The following COX10 variants were observed in gnomAD, a reference collection of about 807,000 sequenced individuals.
COX10 encodes the protein protoheme IX farnesyltransferase, mitochondrial.
In COX10, 27 loss-of-function variants were observed where a neutral mutation model predicts 37.3. The observed-to-expected ratio is 0.72, with a 90% confidence interval of 0.53 to 1.00. COX10 has a LOEUF of 1.00. COX10 is among the 50% of genes least tolerant of loss of function. COX10 has a pLI of 0.00. For synonymous variants in COX10, 222 were observed against 229.1 expected, an observed-to-expected ratio of 0.97 and a Z score of 0.28; for missense variants, 475 against 563.2, an observed-to-expected ratio of 0.84 and a Z score of 1.59.
At chr17:14,069,732 A>G in intron 1 of COX10, 84 bp downstream of exon 1, 1 of 1,564,788 alleles carries the variant, frequency 6.4e-7, no homozygotes, top group Non-Finnish European at 8.8e-7. Context: ...GCTGGCTGCA[A>G]CCTTGGGGAG....
At chr17:14,105,820 A>G (rs1001578189) in intron 4 of COX10, among the ~76,000 whole-genome samples, 24 of 152,210 alleles carry the variant, frequency 1.6e-4, no homozygotes, top group African/African-American at 5.8e-4. Context: ...TCCATTTGTT[A>G]ACATTTTGAT....
rs144642211 is a variant in COX10, at chr17:14,195,735, C to G, written c.928+3514C>G. Among the ~76,000 whole-genome samples, 23 of 152,254 alleles carry G rather than the reference C, an allele frequency of 1.5e-4. No homozygotes were observed. In the East Asian group the frequency reaches 4.2e-3, roughly 28 times the overall value. Reference sequence around the variant, plus strand: ...CTTACTAACACAAAGATTCCTGGGCCCTACCCCTGGAACTTCTGATTCAGT... The same window carrying G: ...CTTACTAACACAAAGATTCCTGGGCGCTACCCCTGGAACTTCTGATTCAGT... On this transcript the variant is annotated intron_variant, in intron 6 of 6. Coordinates refer to ENST00000261643, the MANE Select transcript of COX10 (RefSeq NM_001303.4).
chr17:14,123,718 TGCAGTGTTAG>T (rs766782210), intron 4 of COX10, among the ~76,000 whole-genome samples: 2 of 152,176 alleles, frequency 1.3e-5, no homozygotes, highest in Non-Finnish European at 2.9e-5. Context: ...TTCACTCTCC[TGCAGTGTTAG>T]GCAATGTGAG....
chr17:14,188,040 A>G (rs759527566), intron 5 of COX10, among the ~76,000 whole-genome samples: 1 of 152,070 alleles, frequency 6.6e-6, no homozygotes, highest in Non-Finnish European at 1.5e-5. Flanking sequence ...TCGTAACACT[A>G]ATGTCTCTGA....
chr17:14,120,604 T>C (rs1760923578), intron 4 of COX10, among the ~76,000 whole-genome samples: 1 of 152,082 alleles, frequency 6.6e-6, no homozygotes, highest in Non-Finnish European at 1.5e-5. Context: ...TGTTGGTCTG[T>C]TGGATGGGGA....
intron 5 of COX10, among the ~76,000 whole-genome samples, chr17:14,180,826 G>C (rs1207668501): frequency 1.3e-5 from 2 of 152,168 alleles, no homozygotes; most frequent in Admixed American, 1.3e-4. Context: ...ACAATTAAAT[G>C]CTGTTTTCAT....
chr17:14,206,539 G>T (rs1055014250), intron 6 of COX10, among the ~76,000 whole-genome samples: 1 of 152,076 alleles, frequency 6.6e-6, no homozygotes, highest in Middle Eastern at 3.2e-3. Context: ...TGTGAAGCAG[G>T]GTCTGAGCCA....
rs1906220989 is a variant in COX10 at position 14,192,127 on chromosome 17, A to G, written c.834A>G (p.Lys278=). The G allele has an allele frequency of 6.2e-7, 1 of 1,614,226 alleles. No individual in the cohort carries two copies. Among genetic ancestry groups the G allele is most frequent in the Non-Finnish European group, 8.5e-7 (1 of 1,180,044 alleles). ...ATACCTGCTGCTACACACCACTGAAAAGGATCAGCATTGCCAACACATGGG... is the reference window on the plus strand; with the variant it reads ...ATACCTGCTGCTACACACCACTGAAGAGGATCAGCATTGCCAACACATGGG... ...FLYTCCYTPL[K]RISIANTWVG... The change falls in exon 6 of 7, where the codon AAA becomes AAG. Residue 278 remains lysine (K), a synonymous_variant. Transcript: ENST00000261643.
At chr17:14,074,541 G>A in intron 2 of COX10, 85 bp downstream of exon 2, 1 of 1,306,530 alleles carries the variant, frequency 7.7e-7, no homozygotes, top group Non-Finnish European at 1.1e-6. Flanking sequence ...TTTAATTAAA[G>A]TTTTAAGAAA....
chr17:14,111,825 A>G (rs1412749865), intron 4 of COX10, among the ~76,000 whole-genome samples: 1 of 152,118 alleles, frequency 6.6e-6, no homozygotes, highest in Non-Finnish European at 1.5e-5. Flanking sequence ...CTAGCTGAAG[A>G]TATGTGGATA....
intron 4 of COX10, among the ~76,000 whole-genome samples, chr17:14,103,154 C>T (rs1029057850): frequency 5.3e-5 from 8 of 151,960 alleles, no homozygotes; most frequent in African/African-American, 2.4e-5. Flanking sequence ...TAGTGAGGTT[C>T]AAATAGTGCT....
chr17:14,122,993 G>A (rs1394314159), intron 4 of COX10, among the ~76,000 whole-genome samples: 1 of 152,148 alleles, frequency 6.6e-6, no homozygotes, highest in East Asian at 1.9e-4. Context: ...GCACCAAAGC[G>A]GATGTGTCAG....
At chr17:14,075,417 C>T (rs11657019) in intron 2 of COX10, among the ~76,000 whole-genome samples, 61,482 of 151,904 alleles carry the variant, frequency 0.4, 12,516 homozygotes, top group East Asian at 0.49. Flanking sequence ...GCATAGGTGG[C>T]TCCACTCCCA....
At position 14,100,461 on chromosome 17, in the gene COX10, AC is replaced by A. The variant is rs1374260775; in HGVS notation, c.500-1656del. 2.6e-5 allele frequency among the ~76,000 whole-genome samples: 4 copies of A among 152,294 alleles called. No individual in the cohort carries two copies. The East Asian group carries it at 5.8e-4, about 22-fold the overall frequency. ...AGCGAGGGAGTAACTGGGGAGACTTACGTTAGATGAGGTCATCAGGAAGGTT... is the reference window on the plus strand; with the variant it reads ...AGCGAGGGAGTAACTGGGGAGACTTAGTTAGATGAGGTCATCAGGAAGGTT... On this transcript the variant is annotated intron_variant, in intron 3 of 6. Transcript: ENST00000261643.
intron 4 of COX10, among the ~76,000 whole-genome samples, chr17:14,122,797 A>AT (rs1289569442): frequency 3.3e-5 from 5 of 152,210 alleles, no homozygotes; most frequent in African/African-American, 1.2e-4. Context: ...AATAAACCAC[A>AT]TTAAATTAAT....
chr17:14,193,414 T>C (rs1255133196), intron 6 of COX10, among the ~76,000 whole-genome samples: 1 of 151,466 alleles, frequency 6.6e-6, no homozygotes, highest in Non-Finnish European at 1.5e-5. Context: ...GGGATCTGTA[T>C]GCTGTTGTTA....
At chr17:14,121,208 C>T (rs1167721693) in intron 4 of COX10, among the ~76,000 whole-genome samples, 1 of 152,164 alleles carries the variant, frequency 6.6e-6, no homozygotes, top group Non-Finnish European at 1.5e-5. Flanking sequence ...CCCTTGATAT[C>T]AGGCTTTATG....
intron 4 of COX10, among the ~76,000 whole-genome samples, chr17:14,130,598 T>C (rs1916442355): frequency 6.6e-6 from 1 of 152,164 alleles, no homozygotes; most frequent in African/African-American, 2.4e-5. Flanking sequence ...GGATTTTTTT[T>C]CTAAGAGTTA....
chr17:14,158,851 G>T (rs58714805), intron 4 of COX10, among the ~76,000 whole-genome samples: 4 of 151,936 alleles, frequency 2.6e-5, no homozygotes, highest in Admixed American at 6.6e-5. Flanking sequence ...TTATTGTTTC[G>T]TCTGTTGATT....
Sources: allele counts gnomAD v4.1 joint callset (sites outside exome capture counted in the v4.1 genomes callset), GRCh38; gene constraint gnomAD v4.1.1; transcripts MANE v1.5; gene names NCBI Gene and HGNC (gene_info 2026-07-23, HGNC 2026-07-21).